The following TCF12 variants were observed in gnomAD, a reference collection of about 807,000 sequenced individuals.
TCF12 encodes DNA-binding protein HTF4.
TCF12 carries 45 observed loss-of-function variants against 86.0 expected under a neutral mutation model. The ratio of observed to expected loss-of-function variants is 0.52; its 90% CI spans 0.41 to 0.67. The LOEUF is 0.67. Among genes scored for constraint, TCF12 ranks in the 30% least tolerant of loss-of-function variants. The pLI, the probability that TCF12 is intolerant of heterozygous loss-of-function variation, is 0.00. For synonymous variants in TCF12, 330 were observed against 299.6 expected, an observed-to-expected ratio of 1.10 and a Z score of -1.05; for missense variants, 881 against 859.9, an observed-to-expected ratio of 1.02 and a Z score of -0.31.
intron 6 of TCF12, among the ~76,000 whole-genome samples, chr15:57,186,704 C>T (rs1340927045): frequency 2.0e-5 from 3 of 152,128 alleles, no homozygotes; most frequent in African/African-American, 4.8e-5. Flanking sequence ...TAAAAGTCCT[C>T]TACAAAAATA....
Position 57,219,555 on chromosome 15 carries a change from A to C in TCF12, c.580-11597A>C. 2.5e-6 allele frequency: 4 copies of C among 1,613,694 alleles called. No homozygotes were observed. The South Asian group carries it at 4.4e-5, about 18-fold the overall frequency. On this transcript the variant is annotated intron_variant, in intron 8 of 20. Transcript: ENST00000333725. Reference sequence around the variant, plus strand: ...TGCTTATCCTGTCCCTGGAATGGGCAGCAATTCTTTGATGTATTACTACAA... The same window carrying C: ...TGCTTATCCTGTCCCTGGAATGGGCCGCAATTCTTTGATGTATTACTACAA...
At chr15:57,230,966 A>AG (rs2059110831) in intron 8 of TCF12, among the ~76,000 whole-genome samples, 186 bp from the exon 9 acceptor site, 2 of 151,404 alleles carry the variant, frequency 1.3e-5, no homozygotes, top group African/African-American at 4.8e-5. Context: ...AAAAAAAAAA[A>AG]CATGTGGATG....
chr15:57,110,374 A>G (rs1596573962), intron 5 of TCF12, among the ~76,000 whole-genome samples: 1 of 152,326 alleles, frequency 6.6e-6, no homozygotes, highest in East Asian at 1.9e-4. Context: ...TGTCACAGAT[A>G]GTGTGAAACT....
chr15:57,284,108 A>G (rs973265634), intron 20 of TCF12, among the ~76,000 whole-genome samples: 5 of 152,246 alleles, frequency 3.3e-5, no homozygotes, highest in Non-Finnish European at 7.3e-5. Flanking sequence ...CATACTCTGT[A>G]GAAAATATAG....
chr15:57,258,790 A>T (rs1226629480), intron 16 of TCF12, among the ~76,000 whole-genome samples: 2 of 152,176 alleles, frequency 1.3e-5, no homozygotes, highest in Non-Finnish European at 2.9e-5. Flanking sequence ...CTGTTTTCTA[A>T]ATTTTAAAGC....
intron 5 of TCF12, among the ~76,000 whole-genome samples, chr15:57,102,598 TAA>T (rs35536385): frequency 2.4e-4 from 33 of 140,016 alleles, no homozygotes; most frequent in African/African-American, 2.4e-4. Context: ...ACTCTGTCTT[TAA>T]AAAAAAAAAA....
chr15:57,176,761 G>GA (rs1194617970), intron 6 of TCF12, among the ~76,000 whole-genome samples: 1 of 152,124 alleles, frequency 6.6e-6, no homozygotes, highest in Non-Finnish European at 1.5e-5. Context: ...TTTGTGACTG[G>GA]AAAAAAGGTC....
intron 3 of TCF12, among the ~76,000 whole-genome samples, chr15:57,006,855 G>T (rs1237925848): frequency 2.6e-5 from 4 of 152,076 alleles, no homozygotes; most frequent in Non-Finnish European, 5.9e-5. Context: ...GCAGAGGGTT[G>T]CAGTGAGCCG....
chr15:57,223,653 T>TTGTTTTTTTTTTG (rs1555400236), intron 8 of TCF12, among the ~76,000 whole-genome samples: 5 of 135,378 alleles, frequency 3.7e-5, no homozygotes, highest in African/African-American at 1.1e-4. Flanking sequence ...GTTTTTTTTT[T>TTGTTTTTTTTTTG]TTTTTTTTTT....
chr15:56,996,465 CCCTA>C (rs779022050), intron 3 of TCF12, among the ~76,000 whole-genome samples: 3 of 152,058 alleles, frequency 2.0e-5, no homozygotes, highest in Non-Finnish European at 4.4e-5. Flanking sequence ...GAAACTAGAC[CCCTA>C]CCTATCAGTG....
chr15:57,154,340 C>T (rs1406045759), intron 5 of TCF12, among the ~76,000 whole-genome samples: 1 of 152,126 alleles, frequency 6.6e-6, no homozygotes, highest in Non-Finnish European at 1.5e-5. Context: ...TTCTTTCCCC[C>T]GTGAGCTTCA....
intron 12 of TCF12, among the ~76,000 whole-genome samples, chr15:57,240,879 C>CAAAAAAAAAAAAAAA (rs68154303): frequency 5.5e-4 from 36 of 65,692 alleles, no homozygotes; most frequent in African/African-American, 1.8e-3. Context: ...GACCCTGTCT[C>CAAAAAAAAAAAAAAA]AAAAAAAAAA....
intron 3 of TCF12, among the ~76,000 whole-genome samples, chr15:57,052,337 A>C (rs1192369159): frequency 6.6e-6 from 1 of 152,102 alleles, no homozygotes; most frequent in Non-Finnish European, 1.5e-5. Flanking sequence ...GAGAGTGAAC[A>C]TAAGTGGATA....
intron 3 of TCF12, among the ~76,000 whole-genome samples, chr15:57,020,325 C>T (rs1017118940): frequency 3.9e-5 from 6 of 152,044 alleles, no homozygotes; most frequent in East Asian, 1.9e-4. Context: ...TCTTGCAGAG[C>T]GTTCAGTACA....
intron 3 of TCF12, among the ~76,000 whole-genome samples, chr15:57,056,116 G>GGTGTGT (rs137934114): frequency 0.14 from 19,762 of 143,130 alleles, 1,564 homozygotes; most frequent in East Asian, 0.26. Flanking sequence ...TAGTTTTAGG[G>GGTGTGT]GTGTGTGTGT....
At chr15:57,081,778 A>G (rs1312038995) in intron 4 of TCF12, among the ~76,000 whole-genome samples, 2 of 152,128 alleles carry the variant, frequency 1.3e-5, no homozygotes, top group African/African-American at 4.8e-5. Context: ...CATGTTGGCC[A>G]GGCTGGTCTC....
chr15:57,256,627 A>C (rs1354551670), intron 16 of TCF12, among the ~76,000 whole-genome samples: 1 of 135,454 alleles, frequency 7.4e-6, no homozygotes, highest in Non-Finnish European at 1.5e-5. Context: ...TCCGGAATTA[A>C]CATAAGTTAG....
intron 6 of TCF12, among the ~76,000 whole-genome samples, chr15:57,185,586 C>G (rs780835744): frequency 1.3e-5 from 2 of 152,062 alleles, no homozygotes; most frequent in Non-Finnish European, 2.9e-5. Flanking sequence ...TCAACAAAAT[C>G]AAAATTGGTT....
intron 3 of TCF12, among the ~76,000 whole-genome samples, chr15:57,002,704 C>G (rs1278107518): frequency 1.3e-5 from 2 of 152,198 alleles, no homozygotes; most frequent in African/African-American, 2.4e-5. Flanking sequence ...GACGAACTGT[C>G]AATCGAAACG....
Sources: allele counts gnomAD v4.1 joint callset (sites outside exome capture counted in the v4.1 genomes callset), GRCh38; gene constraint gnomAD v4.1.1; transcripts MANE v1.5; gene names NCBI Gene and HGNC (gene_info 2026-07-23, HGNC 2026-07-21).